The following IQCM variants were observed in gnomAD, a reference collection of about 807,000 sequenced individuals.
IQCM encodes IQ motif containing M, also known as IQ domain-containing protein M.
Under a neutral mutation model 57.6 loss-of-function variants are expected in IQCM, and 45 were observed. The observed-to-expected ratio is 0.78, with a 90% CI of 0.62 to 1.00. The LOEUF (loss-of-function observed/expected upper bound fraction) is 1.00. Ranked by LOEUF, IQCM falls within the 50% of genes least tolerant of loss-of-function variation. IQCM has a pLI of 0.00. For missense variants in IQCM, 468 were observed against 511.6 expected (o/e 0.91, Z 0.82); for synonymous variants, 148 against 158.9 (o/e 0.93, Z 0.51).
chr4:149,470,902 G>T (rs924352517), intron 12 of IQCM, among the ~76,000 whole-genome samples: 12 of 152,166 alleles, frequency 7.9e-5, no homozygotes, highest in African/African-American at 2.9e-4. Context: ...TAGAAATAAA[G>T]ATGTTCTTTG....
chr4:149,640,620 T>C (rs1437019202), intron 7 of IQCM, among the ~76,000 whole-genome samples: 2 of 152,204 alleles, frequency 1.3e-5, no homozygotes, highest in African/African-American at 4.8e-5. Flanking sequence ...TAACCACATT[T>C]TGCATTTCTA....
At chr4:149,596,253 A>G (rs936889405) in intron 8 of IQCM, among the ~76,000 whole-genome samples, 1 of 152,200 alleles carries the variant, frequency 6.6e-6, no homozygotes, top group African/African-American at 2.4e-5. Context: ...TGTTCATAGT[A>G]ACAAATCTCA....
At chr4:149,480,995 C>A (rs1471737220) in intron 12 of IQCM, among the ~76,000 whole-genome samples, 2 of 152,272 alleles carry the variant, frequency 1.3e-5, no homozygotes, top group South Asian at 4.1e-4. Flanking sequence ...ACTTGCATTT[C>A]TCTGATGATC....
At chr4:149,358,224 GT>G (rs1332148089) in intron 13 of IQCM, among the ~76,000 whole-genome samples, 1 of 152,048 alleles carries the variant, frequency 6.6e-6, no homozygotes, top group Admixed American at 6.6e-5. Flanking sequence ...TTTTCAAAGG[GT>G]TTTTTGTGTC....
chr4:149,455,831 C>T (rs1737639190), intron 12 of IQCM, among the ~76,000 whole-genome samples: 1 of 150,970 alleles, frequency 6.6e-6, no homozygotes, highest in Non-Finnish European at 1.5e-5. Flanking sequence ...TTTAATTAGC[C>T]AGGTGTGGTA....
intron 8 of IQCM, among the ~76,000 whole-genome samples, chr4:149,617,093 T>C (rs543581909): frequency 3.2e-4 from 48 of 152,106 alleles, no homozygotes; most frequent in African/African-American, 1.2e-3. Flanking sequence ...GTAGCTGGGA[T>C]TACAGGCATG....
chr4:149,763,748 C>A (rs1291035775), intron 2 of IQCM, among the ~76,000 whole-genome samples: 1 of 151,998 alleles, frequency 6.6e-6, no homozygotes, highest in Non-Finnish European at 1.5e-5. Flanking sequence ...TCCTCTGACT[C>A]CAAAACTCAA....
At chr4:149,439,596 C>T (rs191466951) in intron 12 of IQCM, among the ~76,000 whole-genome samples, 10 of 151,810 alleles carry the variant, frequency 6.6e-5, no homozygotes, top group Non-Finnish European at 1.3e-4. Flanking sequence ...TGTCTGTGTA[C>T]TGGAAATAAT....
chr4:149,368,797 T>C (rs1181349567), intron 13 of IQCM, among the ~76,000 whole-genome samples: 3 of 117,704 alleles, frequency 2.5e-5, no homozygotes, highest in Non-Finnish European at 3.5e-5. Flanking sequence ...TATATATACA[T>C]ATATATACAT....
At chr4:149,449,167 TG>T (rs1044677792) in intron 12 of IQCM, among the ~76,000 whole-genome samples, 69 of 149,152 alleles carry the variant, frequency 4.6e-4, no homozygotes, top group Non-Finnish European at 8.6e-4. Context: ...CTCCACCAAC[TG>T]TTCCCCCCCA....
At position 149,411,321 on chromosome 4, in the gene IQCM, A is replaced by G. The variant is rs189530489; in HGVS notation, c.1390+22075T>C. On this transcript the variant is annotated intron_variant, in intron 13 of 13. Transcript: ENST00000636793. ...GTTGCAGAAAACAGAATTGTTTAAC[A>G]GTTCAAAATATGTTTGTATTTTTAC... Among the ~76,000 whole-genome samples, 22 of 152,270 alleles carry G rather than the reference A, an allele frequency of 1.4e-4. 1 individual carries two copies. The highest frequency in any genetic ancestry group is 5.0e-4 in the African/African-American group (21 of 41,588).
intron 9 of IQCM, among the ~76,000 whole-genome samples, chr4:149,574,643 C>T (rs1302360913): frequency 6.6e-6 from 1 of 151,948 alleles, no homozygotes; most frequent in Non-Finnish European, 1.5e-5. Flanking sequence ...ACACCCTGAG[C>T]TTGGCAAACA....
At chr4:149,468,308 A>G (rs1579159885) in intron 12 of IQCM, among the ~76,000 whole-genome samples, 3 of 152,128 alleles carry the variant, frequency 2.0e-5, no homozygotes, top group Admixed American at 2.0e-4. Flanking sequence ...GCCTTAGCAA[A>G]TGGCACACCA....
intron 12 of IQCM, among the ~76,000 whole-genome samples, chr4:149,526,047 T>C (rs1746127593): frequency 6.6e-6 from 1 of 151,932 alleles, no homozygotes; most frequent in Admixed American, 6.6e-5. Context: ...GGCAAATACA[T>C]CTACCATTGG....
chr4:149,693,481 A>G (rs1169704062), intron 5 of IQCM, among the ~76,000 whole-genome samples: 4 of 152,100 alleles, frequency 2.6e-5, no homozygotes, highest in Non-Finnish European at 2.9e-5. Flanking sequence ...TCAATCCCCT[A>G]ATAGAGTCAT....
At chr4:149,547,877 T>G (rs920471847) in intron 12 of IQCM, among the ~76,000 whole-genome samples, 2 of 152,226 alleles carry the variant, frequency 1.3e-5, no homozygotes, top group Non-Finnish European at 2.9e-5. Flanking sequence ...TTCATTGAGA[T>G]GTTTTCATAC....
intron 7 of IQCM, among the ~76,000 whole-genome samples, chr4:149,653,820 G>A (rs1360229229): frequency 6.6e-6 from 1 of 151,976 alleles, no homozygotes; most frequent in East Asian, 1.9e-4. Flanking sequence ...ATTGTCCTTG[G>A]TTATAATCTT....
intron 7 of IQCM, among the ~76,000 whole-genome samples, chr4:149,678,831 A>G (rs1483661784): frequency 6.6e-6 from 1 of 151,736 alleles, no homozygotes; most frequent in African/African-American, 2.4e-5. Flanking sequence ...ACTACAATGA[A>G]GTATGATATT....
At chr4:149,490,811 A>G (rs974811414) in intron 12 of IQCM, among the ~76,000 whole-genome samples, 3 of 152,078 alleles carry the variant, frequency 2.0e-5, no homozygotes, top group Non-Finnish European at 4.4e-5. Flanking sequence ...TGCATATGAA[A>G]GACATATTTA....
Sources: allele counts gnomAD v4.1 joint callset (sites outside exome capture counted in the v4.1 genomes callset), GRCh38; gene constraint gnomAD v4.1.1; transcripts MANE v1.5; gene names NCBI Gene and HGNC (gene_info 2026-07-23, HGNC 2026-07-21).